Variants in SQOR observed in about 807,000 individuals in gnomAD.
SQOR encodes sulfide:quinone oxidoreductase, mitochondrial.
In SQOR, 39 loss-of-function variants were observed where a neutral mutation model predicts 48.6. The observed-to-expected ratio is 0.80, with a 90% CI of 0.62 to 1.05. The LOEUF (loss-of-function observed/expected upper bound fraction) is 1.05, where lower values mean the gene tolerates loss of function less well. Ranked by LOEUF, SQOR falls within the 50% of genes least tolerant of loss-of-function variation. SQOR has a pLI of 0.00. For synonymous variants in SQOR, 220 were observed against 206.2 expected (o/e 1.07, Z -0.57); for missense variants, 561 against 559.9 (o/e 1.00, Z -0.02).
chr15:45,650,323 T>G (rs1000012732), intron 1 of SQOR, among the ~76,000 whole-genome samples: 1 of 151,700 alleles, frequency 6.6e-6, no homozygotes, highest in African/African-American at 2.4e-5. Context: ...TCGTGGGGAG[T>G]GTTACAGTTC....
Position 45,653,663 on chromosome 15 carries a change from C to T in SQOR, c.-17-5244C>T, listed in dbSNP as rs151291915. On this transcript the variant is annotated intron_variant, in intron 1 of 9. Coordinates refer to ENST00000260324, the MANE Select transcript of SQOR (RefSeq NM_021199.4). ...CGTGTTTGGTTTTTCTGGTGACCAGCCCCCTCCTGAAGCCATCTAGGGATC... is the reference window on the plus strand; with the variant it reads ...CGTGTTTGGTTTTTCTGGTGACCAGTCCCCTCCTGAAGCCATCTAGGGATC... Among the ~76,000 whole-genome samples the T allele has an allele frequency of 4.4e-4, 67 of 152,242 alleles. No individual in the cohort carries two copies. In the East Asian group the frequency reaches 0.012, roughly 28 times the overall value.
chr15:45,671,573 TG>T (rs912025076), intron 4 of SQOR, among the ~76,000 whole-genome samples: 1 of 152,222 alleles, frequency 6.6e-6, no homozygotes, highest in Non-Finnish European at 1.5e-5. Context: ...CTGTGCTACT[TG>T]GGACTCTTTG....
chr15:45,687,870 C>G (rs900067049), intron 7 of SQOR, among the ~76,000 whole-genome samples: 4 of 152,170 alleles, frequency 2.6e-5, no homozygotes, highest in African/African-American at 7.2e-5. Context: ...ATATCTGTAT[C>G]TATATCCACC....
intron 2 of SQOR, 36 bp downstream of exon 2, chr15:45,659,193 T>G: frequency 6.9e-7 from 1 of 1,449,728 alleles, no homozygotes; most frequent in Admixed American, 2.4e-5. Flanking sequence ...GGTGTGTGTG[T>G]ACGTGTGTGT....
upstream of SQOR, among the ~76,000 whole-genome samples, chr15:45,633,955 G>A (rs1175754208): frequency 6.6e-6 from 1 of 151,026 alleles, no homozygotes; most frequent in Non-Finnish European, 1.5e-5. Context: ...AGGGCAGATC[G>A]CTTGAGGCCA....
intron 6 of SQOR, among the ~76,000 whole-genome samples, chr15:45,676,632 G>A (rs927275838): frequency 3.3e-5 from 5 of 152,200 alleles, no homozygotes; most frequent in Admixed American, 2.0e-4. Context: ...TTTGGTTACT[G>A]TGTAGAGGTA....
At chr15:45,667,354 T>C (rs951092701) in intron 3 of SQOR, among the ~76,000 whole-genome samples, 4 of 152,002 alleles carry the variant, frequency 2.6e-5, no homozygotes, top group Non-Finnish European at 4.4e-5. Flanking sequence ...TAGTTGAGTC[T>C]AGAGTTTTGC....
chr15:45,642,115 A>G (rs1165904276), intron 1 of SQOR, among the ~76,000 whole-genome samples: 1 of 152,210 alleles, frequency 6.6e-6, no homozygotes, highest in Non-Finnish European at 1.5e-5. Flanking sequence ...GCTGAACTCA[A>G]CTGAATTGCT....
intron 6 of SQOR, 144 bp from the exon 7 acceptor site, chr15:45,682,334 G>T: frequency 1.3e-6 from 1 of 759,172 alleles, no homozygotes; most frequent in Non-Finnish European, 2.1e-6. Flanking sequence ...ATCTTGGAGA[G>T]GGCGTGGACT....
At chr15:45,683,026 C>CAA (rs34072446) in intron 7 of SQOR, among the ~76,000 whole-genome samples, 120 of 119,856 alleles carry the variant, frequency 1.0e-3, no homozygotes, top group Admixed American at 1.5e-3. Flanking sequence ...GGCTTCATCT[C>CAA]AAAAAAAAAA....
chr15:45,688,206 G>GAC, intron 7 of SQOR, 131 bp from the exon 8 acceptor site: 1 of 625,274 alleles, frequency 1.6e-6, no homozygotes, highest in Non-Finnish European at 2.7e-6. Context: ...TAGTAAGAAG[G>GAC]TCATGTTCTA....
chr15:45,658,880 C>T lies in SQOR; in HGVS notation c.-17-27C>T, dbSNP rs201564526. The T allele has an allele frequency of 3.5e-6, 5 of 1,447,298 alleles. No homozygotes were observed. In the East Asian group the frequency reaches 1.3e-4, roughly 36 times the overall value. 89.7% of individuals were successfully genotyped at this position (1,447,298 alleles called of 1,614,324 possible). A position where few individuals can be genotyped will look rare whatever the true frequency, so the allele number is the denominator to read the frequency against. On this transcript the variant is annotated intron_variant, in intron 1 of 9. Transcript: ENST00000260324. ...TCCCACGATGGTTTCTACCTTGGCA[C>T]TCACAGCCCTGTCTCTTCCCTTCCA... is the stretch of plus-strand genomic sequence containing the variant.
intron 1 of SQOR, among the ~76,000 whole-genome samples, chr15:45,651,066 G>A (rs113240054): frequency 8.5e-5 from 13 of 152,270 alleles, no homozygotes; most frequent in African/African-American, 2.6e-4. Flanking sequence ...AGCAGGGGGC[G>A]GCGCCCATCA....
At chr15:45,669,823 C>G (rs1055354474) in intron 3 of SQOR, 105 bp from the exon 4 acceptor site, 1 of 923,664 alleles carries the variant, frequency 1.1e-6, no homozygotes, top group Non-Finnish European at 1.8e-6. Context: ...AATAATATTT[C>G]CCTGCCTCCC....
intron 4 of SQOR, among the ~76,000 whole-genome samples, chr15:45,671,328 T>C (rs1053680511): frequency 1.6e-4 from 24 of 152,244 alleles, no homozygotes; most frequent in Admixed American, 1.5e-3. Context: ...CTAATTTTTG[T>C]ATTTTTTTTA....
intron 1 of SQOR, among the ~76,000 whole-genome samples, chr15:45,647,672 T>G (rs942416820): frequency 2.6e-5 from 4 of 151,464 alleles, no homozygotes; most frequent in Admixed American, 6.6e-5. Context: ...TCGCAGCACT[T>G]TGGGAGGCCA....
At chr15:45,675,454 G>A (rs1056066984) in intron 5 of SQOR, among the ~76,000 whole-genome samples, 3 of 151,848 alleles carry the variant, frequency 2.0e-5, no homozygotes, top group African/African-American at 7.3e-5. Flanking sequence ...GAGTGCAATG[G>A]TGCAATCTCA....
At chr15:45,671,806 G>A (rs939202941) in intron 4 of SQOR, among the ~76,000 whole-genome samples, 3 of 152,100 alleles carry the variant, frequency 2.0e-5, no homozygotes, top group African/African-American at 4.8e-5. Context: ...GCAGCAGGCC[G>A]TCCTGCCTGC....
intron 4 of SQOR, among the ~76,000 whole-genome samples, chr15:45,671,061 A>T (rs1341720651): frequency 6.6e-6 from 1 of 152,252 alleles, no homozygotes; most frequent in Non-Finnish European, 1.5e-5. Context: ...CAGAGTTCAT[A>T]GCAGCCTCTT....
Sources: allele counts gnomAD v4.1 joint callset (sites outside exome capture counted in the v4.1 genomes callset), GRCh38; gene constraint gnomAD v4.1.1; transcripts MANE v1.5; gene names NCBI Gene and HGNC (gene_info 2026-07-23, HGNC 2026-07-21).